The following LINC00305 variants were observed in gnomAD, a reference collection of about 807,000 sequenced individuals.
The protein encoded by LINC00305 is long independently transcribed non-coding RNA 305.
chr18:64,142,729 T>C (rs915886672), intron 1 of LINC00305, among the ~76,000 whole-genome samples: 6 of 151,948 alleles, frequency 3.9e-5, no homozygotes, highest in Non-Finnish European at 8.8e-5. Context: ...CCTATTCCAC[T>C]CCTTGTATAT....
At chr18:64,138,093 G>A (rs1302617040) in intron 1 of LINC00305, among the ~76,000 whole-genome samples, 1 of 152,178 alleles carries the variant, frequency 6.6e-6, no homozygotes, top group Non-Finnish European at 1.5e-5. Context: ...CAGATCAGCA[G>A]ATCAAGTAGA....
At chr18:64,136,253 G>A (rs943688501) in intron 1 of LINC00305, among the ~76,000 whole-genome samples, 5 of 152,132 alleles carry the variant, frequency 3.3e-5, no homozygotes, top group Non-Finnish European at 7.4e-5. Flanking sequence ...TACAGATGAG[G>A]GTTTTCCACA....
chr18:64,102,843 C>T (rs1307874330), intron 1 of LINC00305, among the ~76,000 whole-genome samples: 3 of 152,140 alleles, frequency 2.0e-5, no homozygotes, highest in Admixed American at 6.5e-5. Context: ...CAAGGAAGGA[C>T]GTTGCTAAGC....
At chr18:64,130,426 A>G (rs545982339) in intron 1 of LINC00305, among the ~76,000 whole-genome samples, 1 of 152,282 alleles carries the variant, frequency 6.6e-6, no homozygotes, top group East Asian at 1.9e-4. Flanking sequence ...AAGAATAATC[A>G]TTATCATCCA....
chr18:64,087,012 A>T (rs1386810811), intron 3 of LINC00305, among the ~76,000 whole-genome samples: 1 of 152,166 alleles, frequency 6.6e-6, no homozygotes, highest in Non-Finnish European at 1.5e-5. Context: ...TAATGTGGCA[A>T]TTATGATATT....
At chr18:64,086,827 G>A (rs1264135275) in intron 3 of LINC00305, among the ~76,000 whole-genome samples, 1 of 152,170 alleles carries the variant, frequency 6.6e-6, no homozygotes, top group Non-Finnish European at 1.5e-5. Flanking sequence ...TTATCTATAA[G>A]CAGAAGCTGC....
At chr18:64,130,201 G>C (rs1036524042) in intron 1 of LINC00305, among the ~76,000 whole-genome samples, 4 of 152,070 alleles carry the variant, frequency 2.6e-5, no homozygotes, top group Admixed American at 6.6e-5. Flanking sequence ...ACCTTCAGTA[G>C]TTTGTGCATT....
In LINC00305 at chr18:64,133,568, T is replaced by C. The variant is rs187060634; in HGVS notation, n.314+15207A>G. Among the ~76,000 whole-genome samples, 8 of 152,252 alleles carry C rather than the reference T, an allele frequency of 5.3e-5. No individual in the cohort carries two copies. The East Asian group carries it at 1.5e-3, about 29-fold the overall frequency. On this transcript the variant is annotated intron_variant and non_coding_transcript_variant, in intron 1 of 3. Transcript: ENST00000666468. The stretch of plus-strand genomic sequence containing the variant: ...GATAGGCTCCCAGAAACGAATTCCT[T>C]TCTATCTTTCTACTCTGACCTCCAA...
chr18:64,112,541 C>A (rs9965220), intron 1 of LINC00305, among the ~76,000 whole-genome samples: 1 of 151,986 alleles, frequency 6.6e-6, no homozygotes, highest in Non-Finnish European at 1.5e-5. Flanking sequence ...GAACAGAGGA[C>A]AATAATGTAA....
At chr18:64,132,485 G>A (rs1194477897) in intron 1 of LINC00305, among the ~76,000 whole-genome samples, 1 of 152,070 alleles carries the variant, frequency 6.6e-6, no homozygotes, top group Admixed American at 6.6e-5. Flanking sequence ...ACGTCACCTT[G>A]TATAAACCTT....
At chr18:64,094,478 T>C (rs940159251) in intron 3 of LINC00305, among the ~76,000 whole-genome samples, 1 of 152,126 alleles carries the variant, frequency 6.6e-6, no homozygotes, top group African/African-American at 2.4e-5. Context: ...GGGAAGATCC[T>C]CCAGGATGTC....
chr18:64,126,961 C>CT (rs1249395199), intron 1 of LINC00305, among the ~76,000 whole-genome samples: 1 of 151,810 alleles, frequency 6.6e-6, no homozygotes, highest in East Asian at 1.9e-4. Context: ...AATTTTTTTC[C>CT]AACTTTTATT....
At chr18:64,130,434 C>A (rs1007924855) in intron 1 of LINC00305, among the ~76,000 whole-genome samples, 1 of 152,092 alleles carries the variant, frequency 6.6e-6, no homozygotes, top group African/African-American at 2.4e-5. Flanking sequence ...TCATTATCAT[C>A]CACCTGTTCT....
intron 1 of LINC00305, among the ~76,000 whole-genome samples, chr18:64,144,668 A>G (rs2051488323): frequency 1.3e-5 from 2 of 152,010 alleles, no homozygotes; most frequent in African/African-American, 2.4e-5. Flanking sequence ...GCCACCACAC[A>G]CAGTGTAGGG....
At chr18:64,094,387 G>T (rs751287930) in intron 3 of LINC00305, among the ~76,000 whole-genome samples, 8 of 152,140 alleles carry the variant, frequency 5.3e-5, no homozygotes, top group Non-Finnish European at 1.2e-4. Context: ...AGTGGTGAAG[G>T]GAGGGGTGAG....
chr18:64,087,668 A>G (rs1419181080), intron 3 of LINC00305, among the ~76,000 whole-genome samples: 1 of 152,176 alleles, frequency 6.6e-6, no homozygotes, highest in African/African-American at 2.4e-5. Context: ...ATAGAAAAAT[A>G]TACGATTGCT....
chr18:64,086,241 T>G (rs567491159), intron 3 of LINC00305, among the ~76,000 whole-genome samples: 1 of 152,246 alleles, frequency 6.6e-6, no homozygotes, highest in Admixed American at 6.5e-5. Flanking sequence ...TAAGCTTGAT[T>G]GTAATCCATT....
At chr18:64,121,305 G>A (rs1201812290) in intron 1 of LINC00305, among the ~76,000 whole-genome samples, 4 of 151,956 alleles carry the variant, frequency 2.6e-5, no homozygotes, top group East Asian at 1.9e-4. Flanking sequence ...CCCAAATAAC[G>A]TACGCTGTAC....
intron 1 of LINC00305, among the ~76,000 whole-genome samples, chr18:64,115,113 G>A (rs1009243945): frequency 7.2e-5 from 11 of 152,190 alleles, no homozygotes; most frequent in Admixed American, 3.9e-4. Flanking sequence ...CTGAAATTTA[G>A]GGGAGGCTCT....
Sources: gnomAD v4.1 joint callset for allele counts (sites outside exome capture counted in the v4.1 genomes callset) on GRCh38, gnomAD v4.1.1 for gene constraint, MANE v1.5 for transcripts, NCBI Gene and HGNC (gene_info 2026-07-23, HGNC 2026-07-21) for gene names.